MSRA: variants seen among roughly 807,000 people sequenced by gnomAD.
The protein encoded by MSRA is methionine sulfoxide reductase A.
A neutral mutation model predicts 31.3 loss-of-function variants in MSRA; 54 were observed. The observed-to-expected ratio is 1.73, with a 90% CI of 1.39 to 2.17. The LOEUF (loss-of-function observed/expected upper bound fraction) is 2.17. Among genes scored for constraint, MSRA ranks in the 30% most tolerant of loss-of-function variants. MSRA has a pLI of 0.00. For synonymous variants in MSRA, 169 were observed against 116.5 expected (o/e 1.45, Z -2.90); for missense variants, 507 against 300.9 (o/e 1.69, Z -5.07).
intron 1 of MSRA, among the ~76,000 whole-genome samples, chr8:10,173,862 C>A (rs985996252): frequency 6.6e-6 from 1 of 152,198 alleles, no homozygotes. Context: ...CAGCATTTGT[C>A]TGCTGCATAA....
intron 1 of MSRA, among the ~76,000 whole-genome samples, chr8:10,162,687 A>C (rs1804767084): frequency 2.0e-5 from 3 of 152,160 alleles, no homozygotes; most frequent in Admixed American, 1.3e-4. Flanking sequence ...AGAGGTAGGC[A>C]CTGAAGGGGA....
chr8:10,230,991 G>T (rs368520546), intron 2 of MSRA, among the ~76,000 whole-genome samples: 1 of 152,180 alleles, frequency 6.6e-6, no homozygotes, highest in Non-Finnish European at 1.5e-5. Context: ...CACCGTGTTG[G>T]CCAGGCGAGT....
intron 2 of MSRA, among the ~76,000 whole-genome samples, chr8:10,220,718 A>G (rs763251858): frequency 8.5e-5 from 13 of 152,102 alleles, no homozygotes; most frequent in African/African-American, 2.4e-5. Flanking sequence ...GCACCCTTAT[A>G]TGGATTCAGT....
intron 1 of MSRA, among the ~76,000 whole-genome samples, chr8:10,118,602 C>T (rs753066573): frequency 7.2e-5 from 11 of 152,120 alleles, no homozygotes; most frequent in Non-Finnish European, 1.2e-4. Context: ...CATCTCCCAC[C>T]GCTCCGCCCA....
intron 2 of MSRA, among the ~76,000 whole-genome samples, chr8:10,209,899 A>G (rs748876326): frequency 1.4e-4 from 22 of 152,374 alleles, no homozygotes; most frequent in Non-Finnish European, 2.4e-4. Context: ...ATGATAAAGT[A>G]GAATATGTTT....
chr8:10,314,778 A>G (rs951323363), intron 4 of MSRA, among the ~76,000 whole-genome samples: 10 of 152,244 alleles, frequency 6.6e-5, no homozygotes, highest in Admixed American at 2.6e-4. Context: ...CATTCATACA[A>G]TGGGATATTA....
intron 5 of MSRA, among the ~76,000 whole-genome samples, chr8:10,392,695 A>C (rs1185034644): frequency 6.8e-6 from 1 of 146,894 alleles, no homozygotes; most frequent in Non-Finnish European, 1.5e-5. Context: ...TTTTTTTTTT[A>C]AATCTATGAT....
chr8:10,274,032 C>A (rs1342219931), intron 3 of MSRA, among the ~76,000 whole-genome samples: 1 of 152,080 alleles, frequency 6.6e-6, no homozygotes, highest in Non-Finnish European at 1.5e-5. Context: ...AGGGAGAAGC[C>A]CCTTCTTCCT....
chr8:10,201,378 G>C (rs1286175267), intron 1 of MSRA, among the ~76,000 whole-genome samples: 1 of 152,128 alleles, frequency 6.6e-6, no homozygotes, highest in Non-Finnish European at 1.5e-5. Flanking sequence ...TTCCAGTCCT[G>C]AGATGATTTT....
At chr8:10,255,992 C>G (rs1435843571) in intron 3 of MSRA, among the ~76,000 whole-genome samples, 1 of 152,086 alleles carries the variant, frequency 6.6e-6, no homozygotes, top group Non-Finnish European at 1.5e-5. Flanking sequence ...CACACTGACA[C>G]GTCCTCAGCA....
chr8:10,167,639 G>A (rs556936742), intron 1 of MSRA, among the ~76,000 whole-genome samples: 4 of 152,144 alleles, frequency 2.6e-5, no homozygotes, highest in African/African-American at 9.7e-5. Context: ...GGCAGGGGAG[G>A]AGCGTACTTA....
chr8:10,336,485 G>A (rs780462801), intron 5 of MSRA, among the ~76,000 whole-genome samples: 1 of 148,196 alleles, frequency 6.7e-6, no homozygotes, highest in Non-Finnish European at 1.5e-5. Flanking sequence ...TTACAAAGTC[G>A]TCATTGAAAA....
At chr8:10,197,164 A>T (rs777212376) in intron 1 of MSRA, among the ~76,000 whole-genome samples, 18 of 152,134 alleles carry the variant, frequency 1.2e-4, no homozygotes. Flanking sequence ...TAATTTTGGT[A>T]GTCATTAGGA....
intron 1 of MSRA, among the ~76,000 whole-genome samples, chr8:10,093,671 C>A (rs1023316389): frequency 6.6e-6 from 1 of 152,156 alleles, no homozygotes; most frequent in Non-Finnish European, 1.5e-5. Context: ...TACATTTATA[C>A]TATTTGTAAA....
At chr8:10,343,042 CACACACACACAG>C (rs767320368) in intron 5 of MSRA, among the ~76,000 whole-genome samples, 1,974 of 109,532 alleles carry the variant, frequency 0.018, 11 homozygotes, top group Admixed American at 0.023. Flanking sequence ...CACACACACA[CACACACACACAG>C]ACACACACAC....
chr8:10,065,077 C>G (rs570267228), intron 1 of MSRA, among the ~76,000 whole-genome samples: 5 of 152,172 alleles, frequency 3.3e-5, no homozygotes, highest in African/African-American at 9.6e-5. Flanking sequence ...AGGCAGTTTA[C>G]AAAGAGCCAC....
At chr8:10,391,447 T>G (rs1335190230) in intron 5 of MSRA, among the ~76,000 whole-genome samples, 1 of 152,024 alleles carries the variant, frequency 6.6e-6, no homozygotes, top group East Asian at 1.9e-4. Context: ...CAAGCTGTGG[T>G]GAGTATCTGT....
intron 5 of MSRA, among the ~76,000 whole-genome samples, chr8:10,382,340 A>G (rs866191687): frequency 1.3e-5 from 2 of 151,938 alleles, no homozygotes; most frequent in African/African-American, 2.4e-5. Context: ...TAGGAGGAAA[A>G]CCCCTAGCCA....
At chr8:10,374,725 C>G (rs898322149) in intron 5 of MSRA, among the ~76,000 whole-genome samples, 2 of 152,138 alleles carry the variant, frequency 1.3e-5, no homozygotes, top group African/African-American at 4.8e-5. Context: ...GATGAAAAAA[C>G]TTTGGGATTG....
Sources: allele counts gnomAD v4.1 joint callset (sites outside exome capture counted in the v4.1 genomes callset), GRCh38; gene constraint gnomAD v4.1.1; transcripts MANE v1.5; gene names NCBI Gene and HGNC (gene_info 2026-07-23, HGNC 2026-07-21).